Variants in ZNF200 observed in about 807,000 individuals in gnomAD.
ZNF200 encodes zinc finger protein 200.
In ZNF200, 35 loss-of-function variants were observed where a neutral mutation model predicts 33.6. The observed-to-expected ratio is 1.04, with a 90% CI of 0.80 to 1.38. The LOEUF (loss-of-function observed/expected upper bound fraction) is 1.38. Ranked by LOEUF, ZNF200 falls within the 40% of genes most tolerant of loss-of-function variation. The probability of loss-of-function intolerance (pLI) is 0.00; values close to 1 mark genes in which losing one functional copy is unlikely to be tolerated. For synonymous variants in ZNF200, 209 were observed against 167.7 expected, an observed-to-expected ratio of 1.25 and a Z score of -1.90; for missense variants, 592 against 470.6, an observed-to-expected ratio of 1.26 and a Z score of -2.39.
chr16:3,235,042 G>C lies in ZNF200; in HGVS notation c.-137C>G, dbSNP rs988628976. On this transcript the variant is annotated 5_prime_UTR_variant, in exon 1 of 5. Coordinates refer to ENST00000414144, the MANE Select transcript of ZNF200 (RefSeq NM_198088.3). ...TGCTGGGGACGGCTCAGAGACTCAGGCTCCGGGAGAGATAGAAAAACTAGG... is the reference window on the plus strand; with the variant it reads ...TGCTGGGGACGGCTCAGAGACTCAGCCTCCGGGAGAGATAGAAAAACTAGG... 6.6e-6 allele frequency: 1 copy of C among 152,214 alleles called. No individual in the cohort carries two copies. The highest frequency in any genetic ancestry group is 2.4e-5 in the African/African-American group (1 of 41,444). 9.4% of individuals were successfully genotyped at this position (152,214 alleles called of 1,614,324 possible).
At chr16:3,231,279 A>G (rs957657665) in intron 4 of ZNF200, among the ~76,000 whole-genome samples, 1 of 152,242 alleles carries the variant, frequency 6.6e-6, no homozygotes, top group African/African-American at 2.4e-5. Flanking sequence ...TGATCTTTTT[A>G]TCCTTTTCTC....
At chr16:3,226,749 G>C (rs1379624588) in intron 4 of ZNF200, 4 of 152,094 alleles carry the variant, frequency 2.6e-5, no homozygotes, top group Non-Finnish European at 5.9e-5. Flanking sequence ...GTGTTCTGTT[G>C]CTATATCTGT....
In ZNF200 at chr16:3,224,264, C is replaced by G; in HGVS notation, c.816G>C (p.Arg272Ser). ...CATAGGGTTTTTCTCCAGTGTGGGTCCTCTGGTGGGAAATGAGGTAAGAAC... is the reference window on the plus strand; with the variant it reads ...CATAGGGTTTTTCTCCAGTGTGGGTGCTCTGGTGGGAAATGAGGTAAGAAC... ...NESSYLISHQ[R>S]THTGEKPYDC... Residue 272 changes from arginine (R) to serine (S), a missense_variant, in exon 5 of 5, where the codon AGG becomes AGC. Transcript: ENST00000414144. 6.2e-7 allele frequency: 1 copy of G among 1,614,128 alleles called. No homozygotes were observed. Among genetic ancestry groups the G allele is most frequent in the Non-Finnish European group, 8.5e-7 (1 of 1,180,012 alleles).
rs1268809541 is a variant in ZNF200 at position 3,233,770 on chromosome 16, C to T, written c.-15G>A. 1 of 1,600,692 alleles carries T rather than the reference C, an allele frequency of 6.2e-7. No homozygotes were observed. Among genetic ancestry groups the T allele is most frequent in the East Asian group, 2.2e-5 (1 of 44,616 alleles). On this transcript the variant is annotated 5_prime_UTR_variant, in exon 2 of 5. It adds an upstream start codon to the 5' untranslated region. Coordinates refer to ENST00000414144, the MANE Select transcript of ZNF200 (RefSeq NM_198088.3). ...GCAGCCATCATGCCTTGCAACCACACACCACACTCGTTTCGCGGGGCCTCC... is the reference window on the plus strand; with the variant it reads ...GCAGCCATCATGCCTTGCAACCACATACCACACTCGTTTCGCGGGGCCTCC...
intron 4 of ZNF200, 96 bp from the exon 5 acceptor site, chr16:3,224,709 C>T (rs921348008): frequency 8.9e-6 from 13 of 1,467,778 alleles, no homozygotes; most frequent in Admixed American, 4.6e-5. Context: ...CCACCTTGAA[C>T]GTCAATCTGG....
intron 4 of ZNF200, chr16:3,226,051 C>CTTTTTTTTTTT (rs1239171798): frequency 2.0e-5 from 1 of 50,446 alleles, no homozygotes; most frequent in Non-Finnish European, 4.2e-5. Flanking sequence ...TTTTTTCTTT[C>CTTTTTTTTTTT]TTTTTTTTTT....
intron 3 of ZNF200, 96 bp downstream of exon 3, chr16:3,232,737 C>A: frequency 6.9e-7 from 1 of 1,453,448 alleles, no homozygotes; most frequent in Non-Finnish European, 9.5e-7. Flanking sequence ...GAAAAACACC[C>A]AAGAAGGCCA....
chr16:3,224,241 T>C lies in ZNF200; in HGVS notation c.839A>G (p.Tyr280Cys), dbSNP rs771497339. The change falls in exon 5 of 5, where the codon TAT becomes TGT. Residue 280 changes from tyrosine to cysteine, a missense_variant. Coordinates refer to ENST00000414144, the MANE Select transcript of ZNF200 (RefSeq NM_198088.3). ...HQRTHTGEKP[Y>C]DCNHCGKSFN... ...GCTTTTCCCACAGTGATTACAGTCA[T>C]AGGGTTTTTCTCCAGTGTGGGTCCT... 4 of 1,614,084 alleles carry C rather than the reference T, an allele frequency of 2.5e-6. No individual in the cohort carries two copies. The highest frequency in any genetic ancestry group is 2.7e-5 in the African/African-American group (2 of 74,922).
At chr16:3,227,266 A>C (rs1020836438) in intron 4 of ZNF200, 3 of 152,170 alleles carry the variant, frequency 2.0e-5, no homozygotes, top group Non-Finnish European at 4.4e-5. Context: ...TGAATCTGTC[A>C]ATCTTTTCTT....
rs1958384269 is a variant in ZNF200 at position 3,223,550 on chromosome 16, T to C, written c.*342A>G. On this transcript the variant is annotated 3_prime_UTR_variant, in exon 5 of 5. Transcript: ENST00000414144. ...GGGGGGAAAACGGATATACTTTCAA[T>C]AGACACAAGTCACTCTTTGCCTTCC... The C allele has an allele frequency of 1.0e-5, 2 of 199,564 alleles. No homozygotes were observed. Among genetic ancestry groups the C allele is most frequent in the African/African-American group, 4.7e-5 (2 of 42,966 alleles). The allele number at this position is 199,564 out of a possible 1,614,324, so 12.4% of individuals were successfully genotyped here.
Position 3,223,789 on chromosome 16 carries a change from T to G in ZNF200, c.*103A>C, listed in dbSNP as rs565646249. 4 of 1,461,112 alleles carry G rather than the reference T, an allele frequency of 2.7e-6. No homozygotes were observed. The highest frequency in any genetic ancestry group is 4.7e-5 in the East Asian group (2 of 42,384). 90.5% of individuals were successfully genotyped at this position (1,461,112 alleles called of 1,614,324 possible). ...TATCCAATTTTGGCAATAATGAGATTTTTACACATTTATACCTTTTTAGGC... is the reference window on the plus strand; with the variant it reads ...TATCCAATTTTGGCAATAATGAGATGTTTACACATTTATACCTTTTTAGGC... On this transcript the variant is annotated 3_prime_UTR_variant, in exon 5 of 5. Transcript: ENST00000414144.
At chr16:3,226,228 A>G (rs374867175) in intron 4 of ZNF200, 1 of 150,874 alleles carries the variant, frequency 6.6e-6, no homozygotes, top group South Asian at 2.1e-4. Context: ...AATTTTTTGT[A>G]TTTATAGTAG....
chr16:3,227,490 C>T (rs568769786), intron 4 of ZNF200: 2 of 152,170 alleles, frequency 1.3e-5, no homozygotes, highest in African/African-American at 4.8e-5. Context: ...AAAAGTCCCC[C>T]TTTATGGTTA....
intron 2 of ZNF200, 79 bp downstream of exon 2, chr16:3,233,427 T>A: frequency 6.8e-7 from 1 of 1,471,836 alleles, no homozygotes; most frequent in Admixed American, 2.5e-5. Context: ...TAACTTGAAT[T>A]TATAACTAAC....
intron 4 of ZNF200, among the ~76,000 whole-genome samples, chr16:3,229,935 A>AATAT (rs1307357533): frequency 1.2e-4 from 19 of 152,334 alleles, no homozygotes; most frequent in African/African-American, 4.6e-4. Flanking sequence ...TAAATAAATA[A>AATAT]ATAAAGACAG....
chr16:3,228,040 ATTT>A (rs71158155), intron 4 of ZNF200, among the ~76,000 whole-genome samples: 3 of 149,594 alleles, frequency 2.0e-5, no homozygotes, highest in South Asian at 2.1e-4. Context: ...AAAACATAGT[ATTT>A]TTTTTTTTTG....
At chr16:3,228,612 A>G (rs576826829) in intron 4 of ZNF200, among the ~76,000 whole-genome samples, 1 of 152,208 alleles carries the variant, frequency 6.6e-6, no homozygotes, top group African/African-American at 2.4e-5. Context: ...CTCCTACCTC[A>G]GCCTCCAGAG....
intron 1 of ZNF200, among the ~76,000 whole-genome samples, chr16:3,234,484 G>A (rs1596345095): frequency 6.6e-6 from 1 of 152,134 alleles, no homozygotes; most frequent in East Asian, 1.9e-4. Context: ...AGAAAGAAAA[G>A]ACAGAAAGAA....
At chr16:3,227,126 A>G (rs202239812) in intron 4 of ZNF200, 4 of 152,102 alleles carry the variant, frequency 2.6e-5, no homozygotes, top group African/African-American at 9.7e-5. Flanking sequence ...TTTTTAGTAA[A>G]AATGGGGTTT....
Sources: gnomAD v4.1 joint callset for allele counts (sites outside exome capture counted in the v4.1 genomes callset) on GRCh38, gnomAD v4.1.1 for gene constraint, MANE v1.5 for transcripts, NCBI Gene and HGNC (gene_info 2026-07-23, HGNC 2026-07-21) for gene names.